Variants in FRMD6 observed in about 807,000 individuals in gnomAD.
FRMD6 encodes the protein FERM domain containing 6, also known as FERM domain-containing protein 6.
Under a neutral mutation model 73.2 loss-of-function variants are expected in FRMD6, and 37 were observed. The observed-to-expected ratio is 0.51, with a 90% CI of 0.39 to 0.66. The LOEUF (loss-of-function observed/expected upper bound fraction) is 0.66, where lower values mean the gene tolerates loss of function less well. FRMD6 is among the 30% of genes least tolerant of loss of function. The pLI is 0.00. For synonymous variants in FRMD6, 273 were observed against 282.2 expected (o/e 0.97, Z 0.33); for missense variants, 714 against 780.5 (o/e 0.91, Z 1.02).
intron 2 of FRMD6, among the ~76,000 whole-genome samples, chr14:51,635,347 A>T (rs898762451): frequency 6.6e-6 from 1 of 152,216 alleles, no homozygotes; most frequent in Non-Finnish European, 1.5e-5. Context: ...GTAAGCTATG[A>T]TTGTGGCACT....
intron 1 of FRMD6, among the ~76,000 whole-genome samples, chr14:51,654,716 T>C (rs1892701842): frequency 6.6e-6 from 1 of 152,198 alleles, no homozygotes; most frequent in African/African-American, 2.4e-5. Flanking sequence ...CAACAAGTTT[T>C]CCCTTTTGTG....
At chr14:51,415,220 G>C in the FRMD6 span, among the ~76,000 whole-genome samples, 1 of 152,186 alleles carries the variant, frequency 6.6e-6, no homozygotes, top group African/African-American at 2.4e-5. Context: ...GGGCATCCCT[G>C]TCTTGTGCCA....
intron 2 of FRMD6, among the ~76,000 whole-genome samples, chr14:51,633,312 G>GT (rs1030343746): frequency 1.0e-4 from 15 of 150,038 alleles, no homozygotes; most frequent in Admixed American, 5.3e-4. Flanking sequence ...TATTATCAGG[G>GT]TTTTTTTGGC....
chr14:51,456,574 C>A, the FRMD6 span, among the ~76,000 whole-genome samples: 1 of 152,076 alleles, frequency 6.6e-6, no homozygotes, highest in East Asian at 1.9e-4. Context: ...TCTCTAATGA[C>A]CAGTGATGAT....
chr14:51,582,796 T>C (rs113720296), intron 2 of FRMD6, among the ~76,000 whole-genome samples: 54 of 152,332 alleles, frequency 3.5e-4, no homozygotes, highest in African/African-American at 1.3e-3. Flanking sequence ...GGAGCTTGGT[T>C]GCTTTATTGG....
chr14:51,568,384 C>A (rs968783813), intron 1 of FRMD6, among the ~76,000 whole-genome samples: 5 of 152,190 alleles, frequency 3.3e-5, no homozygotes, highest in Admixed American at 1.3e-4. Context: ...CTGTAAGCAG[C>A]CTTAATCCAG....
chr14:51,634,393 G>T (rs1891463387), intron 2 of FRMD6, among the ~76,000 whole-genome samples: 1 of 152,200 alleles, frequency 6.6e-6, no homozygotes, highest in African/African-American at 2.4e-5. Flanking sequence ...ACATGTCTGC[G>T]TGAATTAATG....
chr14:51,577,286 C>G (rs780551881), intron 2 of FRMD6, among the ~76,000 whole-genome samples: 5 of 151,524 alleles, frequency 3.3e-5, no homozygotes, highest in Non-Finnish European at 7.4e-5. Context: ...AAAAAAAGAA[C>G]AGCAAAAATA....
intron 1 of FRMD6, among the ~76,000 whole-genome samples, chr14:51,505,262 G>T (rs542282336): frequency 6.6e-6 from 1 of 152,002 alleles, no homozygotes; most frequent in South Asian, 2.1e-4. Flanking sequence ...TTAGAGACAG[G>T]GTCTCCTTAT....
chr14:51,722,911 T>G (rs998546020), intron 12 of FRMD6, among the ~76,000 whole-genome samples: 14 of 152,180 alleles, frequency 9.2e-5, no homozygotes, highest in African/African-American at 3.1e-4. Flanking sequence ...AGCCTCCTCC[T>G]CCAGGTGCCA....
intron 1 of FRMD6, among the ~76,000 whole-genome samples, chr14:51,566,507 A>G (rs1171169030): frequency 3.9e-5 from 6 of 152,214 alleles, no homozygotes; most frequent in African/African-American, 1.4e-4. Flanking sequence ...AGCAACCTCA[A>G]TTTATCCACT....
At chr14:51,472,743 A>T in the FRMD6 span, among the ~76,000 whole-genome samples, 20 of 152,312 alleles carry the variant, frequency 1.3e-4, no homozygotes, top group East Asian at 3.9e-3. Context: ...AAAAATTCTG[A>T]GCAGCCCTGT....
intron 2 of FRMD6, among the ~76,000 whole-genome samples, chr14:51,639,343 G>A (rs574740144): frequency 3.3e-5 from 5 of 152,056 alleles, no homozygotes; most frequent in East Asian, 1.9e-4. Flanking sequence ...GCTGAGGCAG[G>A]AGAATGGCGT....
chr14:51,693,699 C>A (rs1156363706), intron 2 of FRMD6, among the ~76,000 whole-genome samples: 1 of 152,154 alleles, frequency 6.6e-6, no homozygotes, highest in Non-Finnish European at 1.5e-5. Flanking sequence ...TTGTTCATTT[C>A]ATTAGTGTAC....
intron 1 of FRMD6, among the ~76,000 whole-genome samples, chr14:51,660,613 GA>G (rs10605746): frequency 0.044 from 6,165 of 139,534 alleles, 213 homozygotes; most frequent in African/African-American, 0.1. Context: ...TAAAATAAAG[GA>G]AAAAAAAAAA....
the FRMD6 span, among the ~76,000 whole-genome samples, chr14:51,416,897 C>T: frequency 6.6e-6 from 1 of 152,152 alleles, no homozygotes; most frequent in African/African-American, 2.4e-5. Context: ...GATCCCTTTA[C>T]CATTATGTAA....
chr14:51,702,664 G>C, intron 5 of FRMD6, 76 bp downstream of exon 5: 1 of 1,155,162 alleles, frequency 8.7e-7, no homozygotes, highest in East Asian at 2.4e-5. Context: ...AATAAGTTAC[G>C]TGTGTTTATT....
chr14:51,437,197 C>T, the FRMD6 span, among the ~76,000 whole-genome samples: 1 of 152,154 alleles, frequency 6.6e-6, no homozygotes, highest in African/African-American at 2.4e-5. Flanking sequence ...CATGTGTTCT[C>T]ATTGTTCGAC....
At chr14:51,538,747 T>C (rs1596557745) in intron 1 of FRMD6, among the ~76,000 whole-genome samples, 1 of 152,326 alleles carries the variant, frequency 6.6e-6, no homozygotes, top group Non-Finnish European at 1.5e-5. Context: ...TGCTACCCCA[T>C]TGATCTGCGT....
Sources: allele counts gnomAD v4.1 joint callset (sites outside exome capture counted in the v4.1 genomes callset), GRCh38; gene constraint gnomAD v4.1.1; transcripts MANE v1.5; gene names NCBI Gene and HGNC (gene_info 2026-07-23, HGNC 2026-07-21).